Variants in SRSF11 observed in about 807,000 individuals in gnomAD.
The protein encoded by SRSF11 is serine and arginine rich splicing factor 11.
Under a neutral mutation model 56.0 loss-of-function variants are expected in SRSF11, and 9 were observed. The ratio of observed to expected loss-of-function variants is 0.16; its 90% CI spans 0.10 to 0.28. The LOEUF is 0.28. Among genes scored for constraint, SRSF11 ranks in the 10% least tolerant of loss-of-function variants. The pLI is 1.00. For missense variants in SRSF11, 421 were observed against 600.7 expected (o/e 0.70, Z 3.13); for synonymous variants, 222 against 215.3 (o/e 1.03, Z -0.27).
chr1:70,242,274 A>C (rs1675623122), intron 7 of SRSF11, among the ~76,000 whole-genome samples: 1 of 152,100 alleles, frequency 6.6e-6, no homozygotes, highest in Non-Finnish European at 1.5e-5. Context: ...GAAAAGTAGA[A>C]GTGAAATATG....
chr1:70,230,259 T>C (rs1672591580), intron 2 of SRSF11: 1 of 1,000,358 alleles, frequency 1.0e-6, no homozygotes, highest in East Asian at 1.1e-4. Flanking sequence ...GAATATTTCA[T>C]TCAGAATTCT....
upstream of SRSF11, chr1:70,221,301 C>A (rs1390161260): frequency 3.2e-6 from 1 of 311,810 alleles, no homozygotes; most frequent in Non-Finnish European, 5.9e-6. Flanking sequence ...CTGCAGGCGA[C>A]GGCTGCTGGG....
At chr1:70,232,492 A>C in intron 3 of SRSF11, 115 bp downstream of exon 3, 1 of 721,402 alleles carries the variant, frequency 1.4e-6, no homozygotes, top group Non-Finnish European at 2.3e-6. Flanking sequence ...TAGCATTATC[A>C]CATGTCTATA....
intron 5 of SRSF11, among the ~76,000 whole-genome samples, chr1:70,235,852 G>T (rs1159740198): frequency 6.6e-6 from 1 of 152,210 alleles, no homozygotes; most frequent in Non-Finnish European, 1.5e-5. Context: ...GAGGATAGTA[G>T]GAGTTAGAGG....
chr1:70,246,125 A>T (rs1676684316), intron 8 of SRSF11, among the ~76,000 whole-genome samples: 2 of 152,136 alleles, frequency 1.3e-5, no homozygotes, highest in Admixed American at 6.6e-5. Context: ...ATTAGAGAAT[A>T]GTTAAAGAGG....
intron 1 of SRSF11, among the ~76,000 whole-genome samples, chr1:70,227,543 T>C (rs980458408): frequency 4.6e-5 from 7 of 152,236 alleles, no homozygotes; most frequent in African/African-American, 1.7e-4. Context: ...GGTGTGTTTA[T>C]TTCTGCCTTA....
At chr1:70,230,403 T>C (rs1406265729) in intron 2 of SRSF11, 2 of 1,136,372 alleles carry the variant, frequency 1.8e-6, no homozygotes, top group African/African-American at 3.3e-5. Context: ...AGACATAGTC[T>C]ACGGTAAGGA....
intron 1 of SRSF11, among the ~76,000 whole-genome samples, chr1:70,215,656 G>A (rs911099650): frequency 3.2e-4 from 49 of 152,326 alleles, no homozygotes; most frequent in African/African-American, 1.0e-3. Context: ...TTGCAAAATT[G>A]TGTTAATTGG....
chr1:70,216,745 A>G (rs144758044), upstream of SRSF11, among the ~76,000 whole-genome samples: 67 of 152,094 alleles, frequency 4.4e-4, no homozygotes, highest in Non-Finnish European at 1.3e-4. Flanking sequence ...ATTAACTCAT[A>G]ATAAAATTGA....
intron 1 of SRSF11, among the ~76,000 whole-genome samples, chr1:70,213,159 A>C (rs967599033): frequency 1.1e-4 from 17 of 152,186 alleles, no homozygotes; most frequent in Admixed American, 9.8e-4. Flanking sequence ...GCACTCTGCT[A>C]AGTGCTTTGT....
rs1157747863 is a variant in SRSF11, at chr1:70,232,248, G to A, written c.338-20G>A. ...GTCTTAGAAAAGAATGTGTTCTAAT[G>A]CAAGGATGTTTCTCTGCAGGAGTTA... On this transcript the variant is annotated intron_variant, in intron 2 of 11. Transcript: ENST00000370949. 3 of 1,614,158 alleles carry A rather than the reference G, an allele frequency of 1.9e-6. No homozygotes were observed. Among genetic ancestry groups the A allele is most frequent in the Admixed American group, 3.3e-5 (2 of 60,026 alleles).
intron 3 of SRSF11, 54 bp downstream of exon 3, chr1:70,232,431 A>G: frequency 7.3e-7 from 1 of 1,372,622 alleles, no homozygotes; most frequent in Non-Finnish European, 1.0e-6. Flanking sequence ...AATTGTGCAT[A>G]AAGCTAAACA....
intron 5 of SRSF11, among the ~76,000 whole-genome samples, chr1:70,236,634 A>C (rs966656142): frequency 6.8e-6 from 1 of 148,034 alleles, no homozygotes; most frequent in African/African-American, 2.5e-5. Flanking sequence ...CCGGCCTACA[A>C]TTTTTTTTTT....
Position 70,221,693 on chromosome 1 carries a change from CGGTGGCGGAGGTGGT to C in SRSF11, c.66_80del (p.Gly27_Gly31del), listed in dbSNP as rs1670659282. The stretch of plus-strand genomic sequence containing the variant: ...CAGGTCCGGGCCCCAGCGGCGGGCC[CGGTGGCGGAGGTGGT>C]GGTGGCGGCGGAGGCGGCGGCACCG... On this transcript the variant is annotated inframe_deletion, in exon 1 of 12. Coordinates refer to ENST00000370949, the MANE Select transcript of SRSF11 (RefSeq NM_001350605.2). 6 of 1,612,354 alleles carry C rather than the reference CGGTGGCGGAGGTGGT, an allele frequency of 3.7e-6. No homozygotes were observed. The highest frequency in any genetic ancestry group is 5.1e-6 in the Non-Finnish European group (6 of 1,178,928).
upstream of SRSF11, among the ~76,000 whole-genome samples, chr1:70,216,707 A>AC (rs1670040249): frequency 6.6e-6 from 1 of 152,168 alleles, no homozygotes; most frequent in Admixed American, 6.5e-5. Flanking sequence ...TGCTGGGATT[A>AC]CAGGGATGAG....
intron 8 of SRSF11, among the ~76,000 whole-genome samples, chr1:70,246,051 A>G (rs1676671074): frequency 6.6e-6 from 1 of 152,090 alleles, no homozygotes; most frequent in Non-Finnish European, 1.5e-5. Context: ...AAAAAATGAA[A>G]TTGAGAATGC....
At chr1:70,245,330 A>G (rs1314117393) in intron 8 of SRSF11, among the ~76,000 whole-genome samples, 2 of 152,196 alleles carry the variant, frequency 1.3e-5, no homozygotes, top group African/African-American at 4.8e-5. Flanking sequence ...CATGTCATTA[A>G]AGTAAGTACA....
chr1:70,229,888 A>C (rs1240070435), intron 2 of SRSF11: 1 of 985,276 alleles, frequency 1.0e-6, no homozygotes, highest in East Asian at 1.1e-4. Flanking sequence ...AAGGTTTTGT[A>C]ATGTATAGAT....
intron 1 of SRSF11, among the ~76,000 whole-genome samples, chr1:70,226,993 A>G (rs566699368): frequency 6.6e-6 from 1 of 152,122 alleles, no homozygotes; most frequent in Admixed American, 6.5e-5. Context: ...TTGCTTGTGG[A>G]TATCCTGTTA....
Sources: gnomAD v4.1 joint callset for allele counts (sites outside exome capture counted in the v4.1 genomes callset) on GRCh38, gnomAD v4.1.1 for gene constraint, MANE v1.5 for transcripts, NCBI Gene and HGNC (gene_info 2026-07-23, HGNC 2026-07-21) for gene names.